ALOXE3: variants seen among roughly 807,000 people sequenced by gnomAD.
The protein encoded by ALOXE3 is hydroperoxide isomerase ALOXE3.
A neutral mutation model predicts 87.5 loss-of-function variants in ALOXE3; 78 were observed. That is an observed-to-expected ratio of 0.89 (90% CI 0.74 to 1.08). The LOEUF is 1.08. Among genes scored for constraint, ALOXE3 ranks in the 50% least tolerant of loss-of-function variants. The pLI is 0.00. For missense variants in ALOXE3, 946 were observed against 912.4 expected (o/e 1.04, Z -0.47); for synonymous variants, 363 against 370.8 (o/e 0.98, Z 0.24).
intron 6 of ALOXE3, among the ~76,000 whole-genome samples, chr17:8,113,928 G>A (rs1568002974): frequency 6.6e-6 from 1 of 151,956 alleles, no homozygotes; most frequent in Non-Finnish European, 1.5e-5. Flanking sequence ...AGGAGGCTGA[G>A]GCAGGAGAAT....
chr17:8,108,066 A>AGAAAGAAAGAAG (rs1567997177), intron 13 of ALOXE3, among the ~76,000 whole-genome samples: 1 of 150,390 alleles, frequency 6.6e-6, no homozygotes, highest in East Asian at 1.9e-4. Context: ...AAAGAAAGAA[A>AGAAAGAAAGAAG]GGAAGAGAGG....
chr17:8,103,773 G>A (rs1192706771), intron 14 of ALOXE3, among the ~76,000 whole-genome samples: 1 of 152,064 alleles, frequency 6.6e-6, no homozygotes, highest in Non-Finnish European at 1.5e-5. Flanking sequence ...CACTAGGGAA[G>A]GAGGTGGCCC....
chr17:8,104,048 C>G, intron 14 of ALOXE3, 67 bp downstream of exon 14: 5 of 1,438,692 alleles, frequency 3.5e-6, no homozygotes, highest in Non-Finnish European at 4.8e-6. Flanking sequence ...AAGCTCTCAA[C>G]CCAAATTCAG....
chr17:8,103,381 T>G lies in ALOXE3; in HGVS notation c.1898A>C (p.Asn633Thr), dbSNP rs767998571. ...GAGGAGGAGGTTGTTACAGCTGATG[T>G]TCACTTCAGGGAGGGTGTCTAGGTA... ...KTYLDTLPEV[N>T]ISCNNLLLFW... The change falls in exon 15 of 16, where the codon AAC becomes ACC. Residue 633 changes from asparagine (N) to threonine (T), a missense_variant. Transcript: ENST00000448843. 1 of 1,614,006 alleles carries G rather than the reference T, an allele frequency of 6.2e-7. No individual in the cohort carries two copies. The highest frequency in any genetic ancestry group is 8.5e-7 in the Non-Finnish European group (1 of 1,180,014).
rs151256885 is a variant in ALOXE3 at position 8,109,899 on chromosome 17, C to G, written c.1392+17G>C. ...TCTTCGGGGGCGGAGATCAGTGACCCGGCAGGGAGGCCGCACCTGGTCCAC... is the reference window on the plus strand; with the variant it reads ...TCTTCGGGGGCGGAGATCAGTGACCGGGCAGGGAGGCCGCACCTGGTCCAC... On this transcript the variant is annotated intron_variant, in intron 11 of 15. Transcript: ENST00000448843. The G allele has an allele frequency of 2.6e-6, 4 of 1,547,208 alleles. No individual in the cohort carries two copies. Among genetic ancestry groups the G allele is most frequent in the East Asian group, 2.4e-5 (1 of 40,856 alleles).
intron 15 of ALOXE3, among the ~76,000 whole-genome samples, chr17:8,101,297 G>A (rs1224266198): frequency 6.6e-6 from 1 of 152,098 alleles, no homozygotes; most frequent in Admixed American, 6.6e-5. Flanking sequence ...CAATGTGCTG[G>A]GATTACAGGC....
At position 8,114,542 on chromosome 17, in the gene ALOXE3, G is replaced by C; in HGVS notation, c.622C>G (p.Pro208Ala). 1 of 1,614,000 alleles carries C rather than the reference G, an allele frequency of 6.2e-7. No individual in the cohort carries two copies. Among genetic ancestry groups the C allele is most frequent in the Non-Finnish European group, 8.5e-7 (1 of 1,179,960 alleles). ...TTGGTGGCTGAGTATCGAACATTGGGCTCCATGTACATCAGGGATGGGATG... is the reference window on the plus strand; with the variant it reads ...TTGGTGGCTGAGTATCGAACATTGGCCTCCATGTACATCAGGGATGGGATG... ...IDIPSLMYME[P>A]NVRYSATKTI... Residue 208 changes from proline (P) to alanine (A), a missense_variant, in exon 6 of 16, where the codon CCC (proline) becomes GCC (alanine). Physicochemically the swap from Pro to Ala is conservative, Grantham distance 27. Coordinates refer to ENST00000448843, the MANE Select transcript of ALOXE3 (RefSeq NM_021628.3).
rs145020858 is a variant in ALOXE3, at chr17:8,111,407, C to T, written c.909G>A (p.Met303Ile). ...TGTCCTGTCCCAGCAAGGGGGCCAC[C>T]ATGTCATTGGTGACAGGCAGCTTGC... ...LPSKLPVTNDMVAPLLGQDTC... is the reference protein window; with the variant it reads ...LPSKLPVTNDIVAPLLGQDTC... The change falls in exon 8 of 16, where the codon ATG (methionine) becomes ATA (isoleucine). Residue 303 changes from methionine (M) to isoleucine (I), a missense_variant. Met to Ile is a conservative substitution (Grantham distance 10). Transcript: ENST00000448843. The T allele has an allele frequency of 2.7e-5, 43 of 1,613,880 alleles. No homozygotes were observed. In the African/African-American group the frequency reaches 5.3e-4, roughly 20 times the overall value.
chr17:8,113,630 G>A (rs908275054), intron 6 of ALOXE3, among the ~76,000 whole-genome samples: 5 of 152,002 alleles, frequency 3.3e-5, no homozygotes, highest in African/African-American at 1.2e-4. Context: ...TCCAGCCTGA[G>A]CAACAGAGTG....
At chr17:8,114,363 G>T in intron 6 of ALOXE3, 121 bp downstream of exon 6, 1 of 1,384,698 alleles carries the variant, frequency 7.2e-7, no homozygotes, top group Non-Finnish European at 1.0e-6. Flanking sequence ...AGTCCAGAGA[G>T]GAGGGACTGG....
chr17:8,104,794 T>C (rs1395691193), intron 13 of ALOXE3, among the ~76,000 whole-genome samples: 2 of 152,152 alleles, frequency 1.3e-5, no homozygotes, highest in Non-Finnish European at 2.9e-5. Flanking sequence ...AGTTGAAAGA[T>C]GGATGAGCCT....
chr17:8,104,743 T>C (rs1979164931), intron 13 of ALOXE3, among the ~76,000 whole-genome samples: 1 of 151,618 alleles, frequency 6.6e-6, no homozygotes. Flanking sequence ...AGGAGCAGAG[T>C]GGTTAGTGGA....
chr17:8,108,345 G>A (rs1248386263), intron 13 of ALOXE3, 123 bp downstream of exon 13: 2 of 1,422,172 alleles, frequency 1.4e-6, no homozygotes, highest in South Asian at 1.2e-5. Flanking sequence ...ATATCTGCTA[G>A]TTGGGGATAT....
rs143246503 is a variant in ALOXE3, at chr17:8,096,731, G to A, written c.2032C>T (p.Arg678Cys). The A allele has an allele frequency of 4.6e-3, 7,400 of 1,614,084 alleles. 538 individuals are homozygous for A. In the Admixed American group the frequency reaches 0.12, roughly 25 times the overall value. Residue 678 changes from arginine (R) to cysteine (C), a missense_variant, in exon 16 of 16, where the codon CGC (arginine) becomes TGC (cysteine). Transcript: ENST00000448843. ...ATGTCCCTTGAGATCTGGGCCAGGC[G>A]GCTCTGGAAGGCGGCGATGCTCCGC... ...PRRSIAAFQS[R>C]LAQISRDIQE...
rs1979162661 is a variant in ALOXE3 at position 8,104,716 on chromosome 17, G to A, written c.1685-501C>T. On this transcript the variant is annotated intron_variant, in intron 13 of 15. Transcript: ENST00000448843. ...TGGCTCTTTGAGGAGAGGGCAAGCA[G>A]GGCAGAAAGGGGCACCAGGAGCAGA... is the stretch of plus-strand genomic sequence containing the variant. 4.6e-5 allele frequency among the ~76,000 whole-genome samples: 7 copies of A among 152,218 alleles called. No homozygotes were observed. The South Asian group carries it at 1.4e-3, about 32-fold the overall frequency.
intron 15 of ALOXE3, among the ~76,000 whole-genome samples, chr17:8,099,350 A>G (rs1165841764): frequency 2.3e-5 from 3 of 127,870 alleles, no homozygotes; most frequent in Non-Finnish European, 4.9e-5. Context: ...GAGCCTTCCA[A>G]TGAGACCCAC....
At chr17:8,101,681 G>A (rs1168638892) in intron 15 of ALOXE3, among the ~76,000 whole-genome samples, 1 of 152,042 alleles carries the variant, frequency 6.6e-6, no homozygotes, top group African/African-American at 2.4e-5. Context: ...GTGTCACCCA[G>A]GCTGGCGTGC....
intron 8 of ALOXE3, 24 bp downstream of exon 8, chr17:8,111,335 C>A: frequency 6.2e-7 from 1 of 1,612,188 alleles, no homozygotes; most frequent in Non-Finnish European, 8.5e-7. Flanking sequence ...ACCTATCAGG[C>A]CCACTGCCCA....
chr17:8,096,050 GT>G lies in ALOXE3; in HGVS notation c.*576del. The G allele has an allele frequency of 6.5e-6, 1 of 153,366 alleles. No individual in the cohort carries two copies. The highest frequency in any genetic ancestry group is 2.1e-4 in the South Asian group (1 of 4,852). The allele number at this position is 153,366 out of a possible 1,614,324, so 9.5% of individuals were successfully genotyped here. A position where few individuals can be genotyped will look rare whatever the true frequency, so the allele number is the denominator to read the frequency against. ...ACAAACACCCCAGGCCTGGGAACCTGTTCCTGAGAACAGCCGTTAGGGGTCC... is the reference window on the plus strand; with the variant it reads ...ACAAACACCCCAGGCCTGGGAACCTGTCCTGAGAACAGCCGTTAGGGGTCC... On this transcript the variant is annotated 3_prime_UTR_variant, in exon 16 of 16. Coordinates refer to ENST00000448843, the MANE Select transcript of ALOXE3 (RefSeq NM_021628.3).
Sources: gnomAD v4.1 joint callset for allele counts (sites outside exome capture counted in the v4.1 genomes callset) on GRCh38, gnomAD v4.1.1 for gene constraint, MANE v1.5 for transcripts, NCBI Gene and HGNC (gene_info 2026-07-23, HGNC 2026-07-21) for gene names.